Variants in XKR6 observed in about 807,000 individuals in gnomAD.
XKR6 encodes the protein XK-related protein 6.
XKR6 carries 22 observed loss-of-function variants against 56.7 expected under a neutral mutation model. The ratio of observed to expected loss-of-function variants is 0.39; its 90% CI spans 0.28 to 0.55. The LOEUF (loss-of-function observed/expected upper bound fraction) is 0.55, where lower values mean the gene tolerates loss of function less well. Among genes scored for constraint, XKR6 ranks in the 20% least tolerant of loss-of-function variants. The pLI, the probability that XKR6 is intolerant of heterozygous loss-of-function variation, is 0.66. For synonymous variants in XKR6, 524 were observed against 387.8 expected (o/e 1.35, Z -4.13); for missense variants, 852 against 889.0 (o/e 0.96, Z 0.53).
At position 11,200,713 on chromosome 8, in the gene XKR6, G is replaced by C. The variant is rs753499996; in HGVS notation, c.627C>G (p.Ala209=). Reference sequence around the variant, plus strand: ...CGCGGGCCGCGCCGTGGACGTAGCCGGCCCCCATCATGGGGGGGCCCCGGC... The same window carrying C: ...CGCGGGCCGCGCCGTGGACGTAGCCCGCCCCCATCATGGGGGGGCCCCGGC... The part of the protein sequence containing the change: ...LTSRGPPMMG[A]GYVHGAARGG... Residue 209 remains alanine (A), a synonymous_variant, in exon 1 of 3, where the codon GCC becomes GCG. Transcript: ENST00000416569. This position sits in a 1 kb window ranked among gnomAD's most constrained non-coding sequence, Gnocchi z 6.4. The C allele has an allele frequency of 1.3e-6, 2 of 1,586,852 alleles. No individual in the cohort carries two copies. The highest frequency in any genetic ancestry group is 4.7e-5 in the East Asian group (2 of 42,872).
At chr8:11,068,162 G>A (rs1213661604) in intron 1 of XKR6, among the ~76,000 whole-genome samples, 2 of 152,206 alleles carry the variant, frequency 1.3e-5, no homozygotes, top group African/African-American at 4.8e-5. Flanking sequence ...CCCTAGAGTT[G>A]GAGACTGAGT....
chr8:11,040,305 T>C (rs1471928373), intron 1 of XKR6, among the ~76,000 whole-genome samples: 1 of 150,118 alleles, frequency 6.7e-6, no homozygotes, highest in Non-Finnish European at 1.5e-5. Flanking sequence ...GAGGATTGCT[T>C]GAGCCCAGGA....
chr8:10,978,232 A>G (rs566739488), intron 1 of XKR6, among the ~76,000 whole-genome samples: 1 of 152,358 alleles, frequency 6.6e-6, no homozygotes, highest in East Asian at 1.9e-4. Flanking sequence ...ATTGCCTGAT[A>G]TGCATATTTA....
intron 1 of XKR6, among the ~76,000 whole-genome samples, chr8:11,056,192 C>T (rs868735117): frequency 3.7e-4 from 57 of 152,208 alleles, no homozygotes; most frequent in Non-Finnish European, 2.8e-4. Context: ...CTGCTGCGCT[C>T]CCCAGACTGG....
chr8:11,134,108 T>G (rs746054353), intron 1 of XKR6, among the ~76,000 whole-genome samples: 7 of 152,144 alleles, frequency 4.6e-5, no homozygotes, highest in Non-Finnish European at 8.8e-5. Context: ...CCTGGTTCAT[T>G]TGGAGAACTC....
At chr8:11,002,942 G>C (rs1335926299) in intron 1 of XKR6, among the ~76,000 whole-genome samples, 2 of 152,106 alleles carry the variant, frequency 1.3e-5, no homozygotes, top group African/African-American at 4.8e-5. Context: ...TTGGATAGGA[G>C]GCCCTTGTTG....
chr8:11,189,327 C>T (rs1045684648), intron 1 of XKR6, among the ~76,000 whole-genome samples: 1 of 152,194 alleles, frequency 6.6e-6, no homozygotes, highest in African/African-American at 2.4e-5. Flanking sequence ...TGAAATACTT[C>T]AAACTTCCAA....
At chr8:11,173,585 T>A (rs1802496605) in intron 1 of XKR6, among the ~76,000 whole-genome samples, 1 of 152,052 alleles carries the variant, frequency 6.6e-6, no homozygotes, top group African/African-American at 2.4e-5. Context: ...TCCACATCTG[T>A]AAGATGGGGT....
At chr8:11,028,116 G>A (rs902403725) in intron 1 of XKR6, among the ~76,000 whole-genome samples, 2 of 151,234 alleles carry the variant, frequency 1.3e-5, no homozygotes, top group African/African-American at 4.9e-5. Flanking sequence ...TGCTTGGCCT[G>A]TTCATCCCTG....
rs189974116 is a variant in XKR6 at position 10,965,259 on chromosome 8, C to T, written c.765-40429G>A. 2.4e-3 allele frequency among the ~76,000 whole-genome samples: 364 copies of T among 152,346 alleles called. 1 individual carries two copies. Among genetic ancestry groups the T allele is most frequent in the African/African-American group, 8.4e-3 (348 of 41,592 alleles). ...CGGCTCATCTGAGCTCTGGCAAGCA[C>T]ATCAGCCCTACGGGCATGGATGCAA... On this transcript the variant is annotated intron_variant, in intron 1 of 2. Transcript: ENST00000416569.
At chr8:11,179,424 T>C (rs986699972) in intron 1 of XKR6, among the ~76,000 whole-genome samples, 1 of 152,186 alleles carries the variant, frequency 6.6e-6, no homozygotes. Context: ...AAAACCACCA[T>C]CTGAGCCACC....
chr8:11,196,496 TTGAGTACACC>T (rs1315608031), intron 1 of XKR6, among the ~76,000 whole-genome samples: 1 of 152,204 alleles, frequency 6.6e-6, no homozygotes, highest in Non-Finnish European at 1.5e-5. Flanking sequence ...GTGCATACCC[TTGAGTACACC>T]TGAGGTACTT....
chr8:11,158,506 T>G (rs182042691), intron 1 of XKR6, among the ~76,000 whole-genome samples: 239 of 152,356 alleles, frequency 1.6e-3, no homozygotes, highest in African/African-American at 5.6e-3. Flanking sequence ...AACTTCGCCT[T>G]GAGTTTCTTT....
intron 1 of XKR6, among the ~76,000 whole-genome samples, chr8:11,009,117 G>A (rs1242327732): frequency 6.6e-6 from 1 of 152,094 alleles, no homozygotes; most frequent in Non-Finnish European, 1.5e-5. Context: ...CTGTTCTGGA[G>A]CTTCTTGATC....
chr8:10,989,882 T>C (rs1013355314), intron 1 of XKR6, among the ~76,000 whole-genome samples: 4 of 152,234 alleles, frequency 2.6e-5, no homozygotes, highest in African/African-American at 9.6e-5. Flanking sequence ...TACTAATCTG[T>C]CACTTCTGGT....
intron 1 of XKR6, among the ~76,000 whole-genome samples, chr8:11,083,216 C>T (rs1253191135): frequency 6.6e-6 from 1 of 152,200 alleles, no homozygotes; most frequent in Non-Finnish European, 1.5e-5. Context: ...ACACACATGG[C>T]TCAGCACATT....
chr8:10,921,144 G>A (rs1800697142), intron 2 of XKR6, among the ~76,000 whole-genome samples: 1 of 152,248 alleles, frequency 6.6e-6, no homozygotes, highest in South Asian at 2.1e-4. Context: ...GGACATTTAG[G>A]AAGCAACATC....
intron 1 of XKR6, among the ~76,000 whole-genome samples, chr8:11,003,507 A>C (rs1798293992): frequency 6.6e-6 from 1 of 152,222 alleles, no homozygotes; most frequent in African/African-American, 2.4e-5. Context: ...GTCAGTCATC[A>C]CTGTCATAGC....
intron 1 of XKR6, chr8:11,128,855 A>G (rs1799958651): frequency 2.2e-6 from 1 of 456,742 alleles, no homozygotes; most frequent in Non-Finnish European, 4.4e-6. Context: ...CACTGTCACC[A>G]TCTTCAGCCA....
Sources: allele counts gnomAD v4.1 joint callset (sites outside exome capture counted in the v4.1 genomes callset), GRCh38; gene constraint gnomAD v4.1.1; non-coding constraint Gnocchi (gnomAD v3.1); transcripts MANE v1.5; gene names NCBI Gene and HGNC (gene_info 2026-07-23, HGNC 2026-07-21).